The following P2RY2 variants were observed in gnomAD, a reference collection of about 807,000 sequenced individuals.
P2RY2 encodes the protein purinergic receptor P2Y2.
For synonymous variants in P2RY2, 241 were observed against 231.9 expected (o/e 1.04, Z -0.35); for missense variants, 567 against 515.7 (o/e 1.10, Z -0.96).
chr11:73,236,908 G>T lies in P2RY2; in HGVS notation c.*1615G>T. On this transcript the variant is annotated 3_prime_UTR_variant, in exon 3 of 3. Transcript: ENST00000393597. Reference sequence around the variant, plus strand: ...GGCCCCGCCCTAGCCTTTGGAAAGGGACAGGGCAAAGCTGACAGGCCTCAC... The same window carrying T: ...GGCCCCGCCCTAGCCTTTGGAAAGGTACAGGGCAAAGCTGACAGGCCTCAC... 4.1e-6 allele frequency: 4 copies of T among 985,134 alleles called. No homozygotes were observed. The highest frequency in any genetic ancestry group is 4.8e-6 in the Non-Finnish European group (4 of 829,726). The allele number at this position is 985,134 out of a possible 1,614,324, so 61.0% of individuals were successfully genotyped here.
At chr11:73,220,404 G>C (rs139699217) in intron 1 of P2RY2, among the ~76,000 whole-genome samples, 1 of 152,330 alleles carries the variant, frequency 6.6e-6, no homozygotes, top group Non-Finnish European at 1.5e-5. Context: ...AGTGCAGGGA[G>C]GTCAGGGCAT....
At position 73,234,352 on chromosome 11, in the gene P2RY2, T is replaced by C; in HGVS notation, c.193T>C (p.Trp65Arg). The C allele has an allele frequency of 6.2e-7, 1 of 1,614,218 alleles. No individual in the cohort carries two copies. The highest frequency in any genetic ancestry group is 8.5e-7 in the Non-Finnish European group (1 of 1,180,030). ...CATCTTCTTGTGCCGCCTCAAGACC[T>C]GGAATGCGTCCACCACATATATGTT... ...LYIFLCRLKT[W>R]NASTTYMFHL... Residue 65 changes from tryptophan to arginine, a missense_variant, in exon 3 of 3, where the codon TGG (tryptophan) becomes CGG (arginine). Transcript: ENST00000393597.
chr11:73,230,577 A>G (rs2135641247), intron 2 of P2RY2, among the ~76,000 whole-genome samples: 1 of 152,250 alleles, frequency 6.6e-6, no homozygotes. Context: ...AGCTGAGGAA[A>G]CAGAAGCAGT....
In P2RY2 at chr11:73,235,243, A is replaced by G; in HGVS notation, c.1084A>G (p.Thr362Ala). 1 of 1,599,598 alleles carries G rather than the reference A, an allele frequency of 6.3e-7. No homozygotes were observed. Among genetic ancestry groups the G allele is most frequent in the Non-Finnish European group, 8.5e-7 (1 of 1,172,714 alleles). Residue 362 changes from threonine (T) to alanine (A), a missense_variant, in exon 3 of 3, where the codon ACA (threonine) becomes GCA (alanine). Transcript: ENST00000393597. ...GGGCAGCAGTGAGGACTCTAGGCGG[A>G]CAGAGTCCACGCCGGCTGGTAGCGA... ...VLGSSEDSRR[T>A]ESTPAGSENT...
intron 1 of P2RY2, among the ~76,000 whole-genome samples, chr11:73,222,183 C>T (rs905332533): frequency 6.6e-6 from 1 of 152,156 alleles, no homozygotes; most frequent in Non-Finnish European, 1.5e-5. Flanking sequence ...CCTCAGACTT[C>T]TGGGGCTTTA....
In P2RY2 at chr11:73,235,784, T is replaced by A. The variant is rs567197539; in HGVS notation, c.*491T>A. The A allele has an allele frequency of 4.0e-6, 4 of 1,001,712 alleles. No homozygotes were observed. The highest frequency in any genetic ancestry group is 5.2e-4 in the Middle Eastern group (1 of 1,922). 62.1% of individuals were successfully genotyped at this position (1,001,712 alleles called of 1,614,324 possible). On this transcript the variant is annotated 3_prime_UTR_variant, in exon 3 of 3. Transcript: ENST00000393597. ...GTTTGCACAGTGGTCTGGAATGGAC[T>A]GGGTGCCACGGTGGACTTAGCTCTG...
At position 73,235,164 on chromosome 11, in the gene P2RY2, G is replaced by T. The variant is rs767594635; in HGVS notation, c.1005G>T (p.Arg335Ser). Residue 335 changes from arginine (R) to serine (S), a missense_variant, in exon 3 of 3, where the codon AGG becomes AGT. Transcript: ENST00000393597. The stretch of plus-strand genomic sequence containing the variant: ...GCCCTGCCACCCCGGCTCGCCGCAG[G>T]CTGGGCCTGCGCAGATCCGACAGAA... ...GPSPATPARR[R>S]LGLRRSDRTD... 9 of 1,609,034 alleles carry T rather than the reference G, an allele frequency of 5.6e-6. No individual in the cohort carries two copies. In the East Asian group the frequency reaches 2.0e-4, roughly 36 times the overall value.
intron 1 of P2RY2, among the ~76,000 whole-genome samples, chr11:73,224,411 G>A (rs142326262): frequency 4.0e-4 from 61 of 152,282 alleles, no homozygotes; most frequent in Admixed American, 9.8e-4. Flanking sequence ...CAGGTCAGGC[G>A]CTCTCTCCTC....
chr11:73,218,974 C>T (rs536043677), intron 1 of P2RY2, among the ~76,000 whole-genome samples: 2 of 152,252 alleles, frequency 1.3e-5, no homozygotes, highest in Non-Finnish European at 2.9e-5. Flanking sequence ...GACAGTTAAG[C>T]CTCTGTCCCC....
chr11:73,237,571 G>C lies in P2RY2; in HGVS notation c.*2278G>C, dbSNP rs1465643725. Among the ~76,000 whole-genome samples the C allele has an allele frequency of 6.6e-6, 1 of 152,108 alleles. No homozygotes were observed. The highest frequency in any genetic ancestry group is 1.9e-4 in the East Asian group (1 of 5,190). On this transcript the variant is annotated 3_prime_UTR_variant, in exon 3 of 3. Coordinates refer to ENST00000393597, the MANE Select transcript of P2RY2 (RefSeq NM_002564.4). ...CCCCTCTTGAGCTTTCTTAATGATTGCCTGTTACAAACCACCCTTGAGCCT... is the reference window on the plus strand; with the variant it reads ...CCCCTCTTGAGCTTTCTTAATGATTCCCTGTTACAAACCACCCTTGAGCCT...
In P2RY2 at chr11:73,235,273, A is replaced by G. The variant is rs758832801; in HGVS notation, c.1114A>G (p.Thr372Ala). The change falls in exon 3 of 3, where the codon ACT becomes GCT. Residue 372 changes from threonine (T) to alanine (A), a missense_variant. Thr to Ala is a moderately conservative substitution (Grantham distance 58, BLOSUM62 0). Transcript: ENST00000393597. ...GTCCACGCCGGCTGGTAGCGAGAAC[A>G]CTAAGGACATTCGGCTGTAGGAGCA... is the stretch of plus-strand genomic sequence containing the variant. ...TESTPAGSEN[T>A]KDIRL 2.6e-5 allele frequency: 40 copies of G among 1,565,112 alleles called. No homozygotes were observed. Among genetic ancestry groups the G allele is most frequent in the Middle Eastern group, 3.4e-4 (2 of 5,826 alleles).
At chr11:73,232,739 G>A (rs553376535) in intron 2 of P2RY2, among the ~76,000 whole-genome samples, 1 of 152,302 alleles carries the variant, frequency 6.6e-6, no homozygotes, top group East Asian at 1.9e-4. Flanking sequence ...AGCATGCTTA[G>A]TAGTAGGGTT....
At position 73,237,247 on chromosome 11, in the gene P2RY2, G is replaced by T. The variant is rs999031933; in HGVS notation, c.*1954G>T. 1.9e-5 allele frequency: 8 copies of T among 430,332 alleles called. No individual in the cohort carries two copies. Among genetic ancestry groups the T allele is most frequent in the Middle Eastern group, 1.2e-3 (1 of 842 alleles). 26.7% of individuals were successfully genotyped at this position (430,332 alleles called of 1,614,324 possible). ...GTTAATGTAGCCGATGTCCTTCTGA[G>T]TTTTTTTTTTCTTTTTGAGACGAAG... On this transcript the variant is annotated 3_prime_UTR_variant, in exon 3 of 3. Transcript: ENST00000393597.
chr11:73,240,847 C>T lies in P2RY2; in HGVS notation c.*5554C>T, dbSNP rs1047578074. 1 of 152,258 alleles carries T rather than the reference C, an allele frequency of 6.6e-6. No individual in the cohort carries two copies. The highest frequency in any genetic ancestry group is 1.9e-4 in the East Asian group (1 of 5,192). 9.4% of individuals were successfully genotyped at this position (152,258 alleles called of 1,614,324 possible). On this transcript the variant is annotated 3_prime_UTR_variant, in exon 3 of 3. Transcript: ENST00000393597. ...CCTTGGAGTGAGCCCAGTGCAGGGG[C>T]CTGACCTTAAACCCTTTCTCCCCAC...
chr11:73,228,890 A>C (rs1177274001), intron 2 of P2RY2, among the ~76,000 whole-genome samples: 1 of 152,186 alleles, frequency 6.6e-6, no homozygotes, highest in Non-Finnish European at 1.5e-5. Flanking sequence ...AAGTGGCTGC[A>C]GGAGGTAGGT....
chr11:73,225,079 T>C (rs548166753), intron 1 of P2RY2, among the ~76,000 whole-genome samples: 1 of 152,244 alleles, frequency 6.6e-6, no homozygotes, highest in South Asian at 2.1e-4. Flanking sequence ...AGCACCCAAC[T>C]CCTGGCAGAG....
Position 73,234,675 on chromosome 11 carries a change from C to T in P2RY2, c.516C>T (p.Val172=). The change falls in exon 3 of 3, where the codon GTC becomes GTT. Residue 172 remains valine (V), a synonymous_variant. Coordinates refer to ENST00000393597, the MANE Select transcript of P2RY2 (RefSeq NM_002564.4). ...GCCAGGCCCCCGTGCTCTACTTTGT[C>T]ACCACCAGCGCGCGCGGGGGCCGCG... ...LACQAPVLYF[V]TTSARGGRVT... 6.3e-7 allele frequency: 1 copy of T among 1,595,392 alleles called. No homozygotes were observed. Among genetic ancestry groups the T allele is most frequent in the South Asian group, 1.1e-5 (1 of 89,366 alleles).
In P2RY2 at chr11:73,235,099, G is replaced by C. The variant is rs549007337; in HGVS notation, c.940G>C (p.Val314Leu). 16 of 1,605,970 alleles carry C rather than the reference G, an allele frequency of 1.0e-5. No homozygotes were observed. Among genetic ancestry groups the C allele is most frequent in the Non-Finnish European group, 1.3e-5 (15 of 1,178,592 alleles). The change falls in exon 3 of 3, where the codon GTA (valine) becomes CTA (leucine). Residue 314 changes from valine (V) to leucine (L), a missense_variant. Coordinates refer to ENST00000393597, the MANE Select transcript of P2RY2 (RefSeq NM_002564.4). ...VLYFLAGQRLVRFARDAKPPT... is the reference protein window; with the variant it reads ...VLYFLAGQRLLRFARDAKPPT... ...CTACTTCCTGGCTGGGCAGAGGCTC[G>C]TACGCTTTGCCCGAGATGCCAAGCC...
chr11:73,223,504 A>T (rs1325105491), intron 1 of P2RY2, among the ~76,000 whole-genome samples: 2 of 152,096 alleles, frequency 1.3e-5, no homozygotes, highest in Non-Finnish European at 2.9e-5. Context: ...TGCTAGCGCC[A>T]AGGTGCACCC....
Sources: gnomAD v4.1 joint callset for allele counts (sites outside exome capture counted in the v4.1 genomes callset) on GRCh38, gnomAD v4.1.1 for gene constraint, MANE v1.5 for transcripts, NCBI Gene and HGNC (gene_info 2026-07-23, HGNC 2026-07-21) for gene names.